Variants in TLR5 observed in about 807,000 individuals in gnomAD.
TLR5 encodes the protein toll like receptor 5.
For missense variants in TLR5, 944 were observed against 999.8 expected (o/e 0.94, Z 0.75); for synonymous variants, 373 against 384.4 (o/e 0.97, Z 0.35).
Position 223,112,308 on chromosome 1 carries a change from T to G in TLR5, c.724A>C (p.Ile242Leu). Residue 242 changes from isoleucine (I) to leucine (L), a missense_variant, in exon 6 of 6, where the codon ATC (isoleucine) becomes CTC (leucine). By Grantham distance (5) the Ile-to-Leu change is conservative. Transcript: ENST00000642603. The part of the protein sequence containing the change: ...DVSGNGWTVD[I>L]TGNFSNAISK... ...ATGGCATTGCTAAAGTTTCCTGTGA[T>G]GTCCACTGTCCAGCCATTTCCAGAA... The G allele has an allele frequency of 6.2e-7, 1 of 1,614,254 alleles. No individual in the cohort carries two copies. The highest frequency in any genetic ancestry group is 8.5e-7 in the Non-Finnish European group (1 of 1,180,044).
chr1:223,140,272 T>G (rs185761680), intron 2 of TLR5, among the ~76,000 whole-genome samples: 1 of 152,034 alleles, frequency 6.6e-6, no homozygotes, highest in Non-Finnish European at 1.5e-5. Flanking sequence ...TCAGGCTGGG[T>G]GTGGTGGCTC....
intron 5 of TLR5, among the ~76,000 whole-genome samples, chr1:223,116,890 G>C (rs1354890236): frequency 1.3e-5 from 2 of 152,216 alleles, no homozygotes; most frequent in Non-Finnish European, 2.9e-5. Context: ...CAGGAGCCCA[G>C]CTGGCTTTGC....
intron 5 of TLR5, among the ~76,000 whole-genome samples, chr1:223,121,730 G>A (rs1018692121): frequency 6.6e-6 from 1 of 152,146 alleles, no homozygotes; most frequent in Admixed American, 6.5e-5. Flanking sequence ...ATATTGCCCA[G>A]AATGGTCTCG....
In TLR5 at chr1:223,130,329, C is replaced by G. The variant is rs114960507; in HGVS notation, c.-5+2146G>C. ...CCTTTTTGTGAATCAGAATTTTGTT[C>G]CAGAGGCCAGGTATTGTTTGGTTCT... On this transcript the variant is annotated intron_variant, in intron 5 of 5. Transcript: ENST00000642603. Among the ~76,000 whole-genome samples, 590 of 152,292 alleles carry G rather than the reference C, an allele frequency of 3.9e-3. 7 individuals are homozygous for G. The highest frequency in any genetic ancestry group is 5.3e-3 in the Non-Finnish European group (362 of 68,022).
At chr1:223,136,190 G>C (rs946831501) in intron 3 of TLR5, among the ~76,000 whole-genome samples, 2 of 152,204 alleles carry the variant, frequency 1.3e-5, no homozygotes, top group Non-Finnish European at 2.9e-5. Flanking sequence ...GGGTCTGTCA[G>C]CACCAGGAAG....
rs1264984879 is a variant in TLR5 at position 223,111,509 on chromosome 1, T to C, written c.1523A>G (p.Tyr508Cys). Reference protein sequence around the residue: ...FEGLSHLQVLYLNHNYLNSLP... With the variant: ...FEGLSHLQVLCLNHNYLNSLP... ...GGAATTAAGATAGTTATGATTCAAA[T>C]ACAGAACTTGAAGATGAGAAAGTCC... Residue 508 changes from tyrosine to cysteine, a missense_variant, in exon 6 of 6, where the codon TAT becomes TGT. By Grantham distance (194) the Tyr-to-Cys change is radical. Coordinates refer to ENST00000642603, the MANE Select transcript of TLR5 (RefSeq NM_003268.6). The C allele has an allele frequency of 3.1e-6, 5 of 1,614,126 alleles. No homozygotes were observed. Among genetic ancestry groups the C allele is most frequent in the Non-Finnish European group, 8.5e-7 (1 of 1,180,026 alleles).
chr1:223,138,192 G>A (rs1657693244), intron 2 of TLR5, among the ~76,000 whole-genome samples: 1 of 151,608 alleles, frequency 6.6e-6, no homozygotes, highest in African/African-American at 2.4e-5. Context: ...TGAACTATTG[G>A]TTTCAAACAA....
intron 3 of TLR5, among the ~76,000 whole-genome samples, chr1:223,136,632 C>T (rs1345909696): frequency 6.6e-6 from 1 of 152,168 alleles, no homozygotes; most frequent in African/African-American, 2.4e-5. Flanking sequence ...CCCAGAAACT[C>T]AGGACTAAAA....
chr1:223,129,669 G>A (rs1657323514), intron 5 of TLR5: 1 of 152,342 alleles, frequency 6.6e-6, no homozygotes, highest in South Asian at 2.1e-4. Context: ...GTGCAAACGT[G>A]AGTGCAAAAT....
chr1:223,119,023 G>C (rs1421731334), intron 5 of TLR5, among the ~76,000 whole-genome samples: 1 of 152,022 alleles, frequency 6.6e-6, no homozygotes, highest in African/African-American at 2.4e-5. Context: ...GGAATTGCTT[G>C]AACCCAGGAG....
intron 5 of TLR5, among the ~76,000 whole-genome samples, chr1:223,114,204 GT>G (rs1253134477): frequency 7.2e-5 from 11 of 152,150 alleles, no homozygotes; most frequent in Non-Finnish European, 1.5e-4. Context: ...TGGGTTGAGT[GT>G]TTTTTTCATG....
Position 223,113,033 on chromosome 1 carries a change from A to T in TLR5, c.-2T>A. 6.2e-7 allele frequency: 1 copy of T among 1,614,086 alleles called. No individual in the cohort carries two copies. The highest frequency in any genetic ancestry group is 8.5e-7 in the Non-Finnish European group (1 of 1,179,974). ...GAGAAGGTCCAGGTGGTCTCCCATG[A>T]TCCTATGGAGAAGAAGGGAGAATGA... On this transcript the variant is annotated splice_region_variant and 5_prime_UTR_variant, in exon 6 of 6. Coordinates refer to ENST00000642603, the MANE Select transcript of TLR5 (RefSeq NM_003268.6).
At chr1:223,139,091 A>G (rs1657736811) in intron 2 of TLR5, among the ~76,000 whole-genome samples, 3 of 152,258 alleles carry the variant, frequency 2.0e-5, no homozygotes. Flanking sequence ...CTGTGAGTCA[A>G]TTAAACTTCT....
In TLR5 at chr1:223,111,635, TCTCCA is replaced by T; in HGVS notation, c.1392_1396del (p.Ser464ArgfsTer27). 2 of 1,614,172 alleles carry T rather than the reference TCTCCA, an allele frequency of 1.2e-6. No homozygotes were observed. Among genetic ancestry groups the T allele is most frequent in the Non-Finnish European group, 1.7e-6 (2 of 1,180,028 alleles). On this transcript the variant is annotated frameshift_variant, in exon 6 of 6. Transcript: ENST00000642603. LOFTEE classifies it low-confidence loss of function (END_TRUNC). ...GCTGGGATTCTCTGAAGGGGTTTGATCTCCACTACAGGAGGAGAAGCGATTTTGAT... is the reference window on the plus strand; with the variant it reads ...GCTGGGATTCTCTGAAGGGGTTTGATCTACAGGAGGAGAAGCGATTTTGAT...
intron 5 of TLR5, among the ~76,000 whole-genome samples, chr1:223,114,776 T>G (rs1413236146): frequency 2.0e-5 from 3 of 152,196 alleles, no homozygotes; most frequent in African/African-American, 7.2e-5. Context: ...TTATCACCAC[T>G]CTGAATTTCT....
At chr1:223,117,453 G>C (rs541371981) in intron 5 of TLR5, among the ~76,000 whole-genome samples, 10 of 151,266 alleles carry the variant, frequency 6.6e-5, no homozygotes, top group African/African-American at 2.2e-4. Context: ...AGGAGGCACC[G>C]AGAGTGAGCG....
intron 5 of TLR5, among the ~76,000 whole-genome samples, chr1:223,130,533 C>G (rs968437905): frequency 2.0e-5 from 3 of 152,176 alleles, no homozygotes; most frequent in South Asian, 2.1e-4. Context: ...ATGGGCCGGT[C>G]TGAGAAGGAC....
intron 1 of TLR5, among the ~76,000 whole-genome samples, chr1:223,142,965 A>G (rs554061467): frequency 2.8e-4 from 43 of 152,166 alleles, no homozygotes; most frequent in African/African-American, 9.9e-4. Flanking sequence ...CACCCACATG[A>G]CACGCTCACC....
In TLR5 at chr1:223,131,699, G is replaced by A. The variant is rs1657401349; in HGVS notation, c.-5+776C>T. Among the ~76,000 whole-genome samples, 1 of 152,138 alleles carries A rather than the reference G, an allele frequency of 6.6e-6. No individual in the cohort carries two copies. The highest frequency in any genetic ancestry group is 2.4e-5 in the African/African-American group (1 of 41,420). Reference sequence around the variant, plus strand: ...CCATCTCAGCTTCCCAAGTAGTTGGGACTACAGGCTTGTACCACCATGCCC... The same window carrying A: ...CCATCTCAGCTTCCCAAGTAGTTGGAACTACAGGCTTGTACCACCATGCCC... On this transcript the variant is annotated intron_variant, in intron 5 of 5. Transcript: ENST00000642603. The surrounding 1 kb of genome is among the most constrained non-coding windows in gnomAD (Gnocchi z 4.2).
Sources: allele counts gnomAD v4.1 joint callset (sites outside exome capture counted in the v4.1 genomes callset), GRCh38; gene constraint gnomAD v4.1.1; non-coding constraint Gnocchi (gnomAD v3.1); transcripts MANE v1.5; gene names NCBI Gene and HGNC (gene_info 2026-07-23, HGNC 2026-07-21).